The following RYR2 variants were observed in gnomAD, a reference collection of about 807,000 sequenced individuals.
RYR2 encodes ryanodine receptor 2.
Under a neutral mutation model 601.1 loss-of-function variants are expected in RYR2, and 227 were observed. The observed-to-expected ratio is 0.38, with a 90% CI of 0.34 to 0.42. The LOEUF is 0.42. Among genes scored for constraint, RYR2 ranks in the 10% least tolerant of loss-of-function variants. The pLI is 1.00. For missense variants in RYR2, 4,646 were observed against 6,156.5 expected (o/e 0.75, Z 8.21); for synonymous variants, 2,223 against 2,175.1 (o/e 1.02, Z -0.61).
intron 61 of RYR2, among the ~76,000 whole-genome samples, chr1:237,680,254 C>G (rs1231363687): frequency 6.6e-6 from 1 of 152,110 alleles, no homozygotes; most frequent in African/African-American, 2.4e-5. Context: ...CAAGTTTGCT[C>G]TGTTCACCAT....
chr1:237,723,345 C>T (rs1689909197), intron 74 of RYR2, 83 bp downstream of exon 74: 1 of 1,055,610 alleles, frequency 9.5e-7, no homozygotes, highest in East Asian at 2.4e-5. Flanking sequence ...AATTTGTTAA[C>T]TATGACCCAA....
chr1:237,385,348 G>C (rs547165759), intron 8 of RYR2, among the ~76,000 whole-genome samples: 1 of 152,126 alleles, frequency 6.6e-6, no homozygotes, highest in African/African-American at 2.4e-5. Flanking sequence ...TGTAATGTTT[G>C]AGGTGATAGA....
intron 1 of RYR2, among the ~76,000 whole-genome samples, chr1:237,204,503 C>CCA (rs796507828): frequency 4.5e-4 from 48 of 106,622 alleles, no homozygotes; most frequent in African/African-American, 1.4e-3. Flanking sequence ...AAAACAAAAA[C>CCA]AAAAAAAAAA....
At chr1:237,161,933 G>A (rs1167319786) in intron 1 of RYR2, among the ~76,000 whole-genome samples, 10 of 152,132 alleles carry the variant, frequency 6.6e-5, no homozygotes, top group Admixed American at 6.5e-4. Flanking sequence ...TTGTTCATTT[G>A]TGTAGTGAAC....
chr1:237,759,908 C>A, intron 83 of RYR2, 56 bp downstream of exon 83: 1 of 1,107,634 alleles, frequency 9.0e-7, no homozygotes, highest in Non-Finnish European at 1.3e-6. Flanking sequence ...TTTTTCGAAG[C>A]ATTTGTTTCT....
intron 1 of RYR2, among the ~76,000 whole-genome samples, chr1:237,107,188 T>C (rs1486682664): frequency 6.6e-6 from 1 of 152,074 alleles, no homozygotes; most frequent in East Asian, 1.9e-4. Flanking sequence ...ATGGACAACA[T>C]ATACTTTATA....
intron 89 of RYR2, among the ~76,000 whole-genome samples, chr1:237,781,921 A>T (rs1170980047): frequency 6.6e-6 from 1 of 152,294 alleles, no homozygotes; most frequent in Non-Finnish European, 1.5e-5. Context: ...TAAGCTCTCC[A>T]GTCTATAAAG....
chr1:237,414,160 G>A (rs1011968671), intron 10 of RYR2, among the ~76,000 whole-genome samples: 1 of 152,154 alleles, frequency 6.6e-6, no homozygotes, highest in Admixed American at 6.5e-5. Context: ...CTGTGTCTTT[G>A]TGTGAGTGTG....
intron 35 of RYR2, among the ~76,000 whole-genome samples, chr1:237,603,872 C>T (rs1284754251): frequency 1.3e-5 from 2 of 152,206 alleles, no homozygotes; most frequent in African/African-American, 4.8e-5. Flanking sequence ...GAAAAGCTAA[C>T]TATCCTAAAT....
chr1:237,503,440 C>A lies in RYR2; in HGVS notation c.2548C>A (p.Leu850Met). The A allele has an allele frequency of 6.2e-7, 1 of 1,613,986 alleles. No homozygotes were observed. The highest frequency in any genetic ancestry group is 8.5e-7 in the Non-Finnish European group (1 of 1,179,900). Residue 850 changes from leucine to methionine, a missense_variant, in exon 22 of 105, where the codon CTG becomes ATG. This residue lies in a region of RYR2 where 1,807 missense variants were observed against 2,088.1 expected (regional missense o/e 0.87). Coordinates refer to ENST00000366574, the MANE Select transcript of RYR2 (RefSeq NM_001035.3). ...YKQERTYTRDLLGPTVSLTQA... is the reference protein window; with the variant it reads ...YKQERTYTRDMLGPTVSLTQA... ...GCAAGAAAGAACTTACACACGCGAC[C>A]TGCTGGGCCCCACAGTTTCCCTGAC...
chr1:237,479,170 G>A (rs771993437), intron 17 of RYR2, among the ~76,000 whole-genome samples: 23 of 152,052 alleles, frequency 1.5e-4, no homozygotes, highest in Non-Finnish European at 8.8e-5. Context: ...CATATTCTCA[G>A]GTCTGAAGTG....
chr1:237,568,435 C>G (rs1338174266), intron 28 of RYR2, among the ~76,000 whole-genome samples: 1 of 152,104 alleles, frequency 6.6e-6, no homozygotes, highest in Non-Finnish European at 1.5e-5. Context: ...CTTGTAGATG[C>G]AAAAGTCACG....
At chr1:237,097,976 A>G (rs1352907604) in intron 1 of RYR2, among the ~76,000 whole-genome samples, 1 of 152,214 alleles carries the variant, frequency 6.6e-6, no homozygotes, top group Non-Finnish European at 1.5e-5. Context: ...TTCAAATTGC[A>G]TGTCCTTTGC....
intron 1 of RYR2, among the ~76,000 whole-genome samples, chr1:237,183,740 A>C (rs1364019760): frequency 6.6e-6 from 1 of 152,174 alleles, no homozygotes; most frequent in Non-Finnish European, 1.5e-5. Context: ...CCACACATGA[A>C]CACAATATTT....
intron 2 of RYR2, among the ~76,000 whole-genome samples, chr1:237,315,189 C>T (rs1356255018): frequency 6.6e-6 from 1 of 152,090 alleles, no homozygotes; most frequent in East Asian, 1.9e-4. Flanking sequence ...TAAGCCATCC[C>T]TTAACTCCAA....
intron 3 of RYR2, among the ~76,000 whole-genome samples, chr1:237,352,227 T>C (rs1430414315): frequency 2.0e-5 from 3 of 152,054 alleles, no homozygotes; most frequent in Non-Finnish European, 4.4e-5. Context: ...GTGGATACTT[T>C]TGGAATTAAA....
chr1:237,418,958 A>G (rs1402664087), intron 11 of RYR2, among the ~76,000 whole-genome samples: 1 of 128,554 alleles, frequency 7.8e-6, no homozygotes, highest in African/African-American at 3.8e-5. Context: ...CAGACTTCTA[A>G]GGCAAACAAA....
intron 2 of RYR2, among the ~76,000 whole-genome samples, chr1:237,325,185 G>C (rs1696030645): frequency 1.3e-5 from 2 of 152,268 alleles, no homozygotes; most frequent in Admixed American, 6.5e-5. Flanking sequence ...GCAGGAATAT[G>C]GTGTATCTAG....
intron 1 of RYR2, among the ~76,000 whole-genome samples, chr1:237,187,443 CT>C (rs10686110): frequency 0.013 from 1,135 of 86,754 alleles, 17 homozygotes; most frequent in African/African-American, 0.047. Context: ...GCCCGGCCGA[CT>C]TTTTTTTTTT....
Sources: allele counts gnomAD v4.1 joint callset (sites outside exome capture counted in the v4.1 genomes callset), GRCh38; gene constraint gnomAD v4.1.1; regional missense constraint gnomAD v4.1.1; transcripts MANE v1.5; gene names NCBI Gene and HGNC (gene_info 2026-07-23, HGNC 2026-07-21).